WDR18: variants seen among roughly 807,000 people sequenced by gnomAD.
WDR18 encodes the protein WD repeat-containing protein 18.
In WDR18, 33 loss-of-function variants were observed where a neutral mutation model predicts 49.6. That is an observed-to-expected ratio of 0.67 (90% CI 0.50 to 0.89). The LOEUF (loss-of-function observed/expected upper bound fraction) is 0.89. Among genes scored for constraint, WDR18 ranks in the 40% least tolerant of loss-of-function variants. The pLI, the probability that WDR18 is intolerant of heterozygous loss-of-function variation, is 0.00. For missense variants in WDR18, 653 were observed against 593.6 expected (o/e 1.10, Z -1.04); for synonymous variants, 315 against 263.6 (o/e 1.19, Z -1.89).
intron 2 of WDR18, among the ~76,000 whole-genome samples, chr19:987,829 G>GTTTTGTTTTT (rs1340731704): frequency 1.1e-5 from 1 of 91,822 alleles, no homozygotes; most frequent in African/African-American, 5.3e-5. Flanking sequence ...GCCGCCTCCA[G>GTTTTGTTTTT]TTTTTTTTTT....
upstream of WDR18, among the ~76,000 whole-genome samples, chr19:983,127 A>G (rs2145498206): frequency 6.6e-6 from 1 of 152,280 alleles, no homozygotes; most frequent in Non-Finnish European, 1.5e-5. Flanking sequence ...AGGGGTTGGC[A>G]ACTAATTGCA....
At chr19:991,818 C>T in intron 7 of WDR18, 137 bp from the exon 8 acceptor site, 1 of 943,034 alleles carries the variant, frequency 1.1e-6, no homozygotes, top group Non-Finnish European at 1.4e-6. Flanking sequence ...TGGGGCGGGG[C>T]CTGGCTGGGG....
At position 994,483 on chromosome 19, in the gene WDR18, C is replaced by G. The variant is rs1029671301; in HGVS notation, c.*139C>G. 1 of 1,271,828 alleles carries G rather than the reference C, an allele frequency of 7.9e-7. No homozygotes were observed. Among genetic ancestry groups the G allele is most frequent in the African/African-American group, 1.5e-5 (1 of 66,674 alleles). The allele number at this position is 1,271,828 out of a possible 1,614,324, so 78.8% of individuals were successfully genotyped here. A position where few individuals can be genotyped will look rare whatever the true frequency, so the allele number is the denominator to read the frequency against. The stretch of plus-strand genomic sequence containing the variant: ...TCGTGTTCGGGTTTTTCCTCTGTGA[C>G]TGGGCCGTCTTGGTGTCTCGTGGCA... On this transcript the variant is annotated 3_prime_UTR_variant, in exon 10 of 10. Transcript: ENST00000585809.
rs1169177473 is a variant in WDR18, at chr19:994,196, C to T, written c.1168-17C>T. 4 of 1,589,168 alleles carry T rather than the reference C, an allele frequency of 2.5e-6. No homozygotes were observed. Among genetic ancestry groups the T allele is most frequent in the Non-Finnish European group, 2.6e-6 (3 of 1,170,954 alleles). Reference sequence around the variant, plus strand: ...CCCCAGGCCACTTCTGCCCTCTGACCCCGACTTCTCCCGCAGAGCGTGCTC... The same window carrying T: ...CCCCAGGCCACTTCTGCCCTCTGACTCCGACTTCTCCCGCAGAGCGTGCTC... On this transcript the variant is annotated splice_polypyrimidine_tract_variant and intron_variant, in intron 9 of 9. Coordinates refer to ENST00000585809, the MANE Select transcript of WDR18 (RefSeq NM_024100.4).
intron 9 of WDR18, 40 bp downstream of exon 9, chr19:994,128 G>A (rs1442380251): frequency 1.3e-6 from 2 of 1,549,194 alleles, no homozygotes; most frequent in East Asian, 4.8e-5. Flanking sequence ...TGAGGCTGGG[G>A]TCAGTCCTGG....
rs1403758477 is a variant in WDR18, at chr19:992,527, C to T, written c.1098+406C>T. Reference sequence around the variant, plus strand: ...CGTGAGGGCAGGGAGCGGGTGGGGCCCTGGTGGCTGCAGGTGGCTCCCACG... The same window carrying T: ...CGTGAGGGCAGGGAGCGGGTGGGGCTCTGGTGGCTGCAGGTGGCTCCCACG... On this transcript the variant is annotated intron_variant, in intron 8 of 9. Coordinates refer to ENST00000585809, the MANE Select transcript of WDR18 (RefSeq NM_024100.4). 3.9e-5 allele frequency among the ~76,000 whole-genome samples: 6 copies of T among 152,330 alleles called. No individual in the cohort carries two copies. In the East Asian group the frequency reaches 7.7e-4, roughly 20 times the overall value.
At chr19:991,879 G>T in intron 7 of WDR18, 76 bp from the exon 8 acceptor site, 2 of 1,385,802 alleles carry the variant, frequency 1.4e-6, no homozygotes, top group Non-Finnish European at 1.9e-6. Context: ...GACTGCCCTG[G>T]ATGGGGCGGA....
At chr19:984,091 G>C (rs2038446647), upstream of WDR18, among the ~76,000 whole-genome samples, 1 of 152,228 alleles carries the variant, frequency 6.6e-6, no homozygotes, top group Admixed American at 6.5e-5. Context: ...AGGTACCCCG[G>C]CTCTAGAGCT....
chr19:991,334 G>A lies in WDR18; in HGVS notation c.914G>A (p.Arg305Gln), dbSNP rs1447683010. The change falls in exon 7 of 10, where the codon CGG becomes CAG. Residue 305 changes from arginine (R) to glutamine (Q), a missense_variant. Coordinates refer to ENST00000585809, the MANE Select transcript of WDR18 (RefSeq NM_024100.4). ...LWDVQSKQCIRTVALKGPVTN... is the reference protein window; with the variant it reads ...LWDVQSKQCIQTVALKGPVTN... ...GACGTGCAGAGCAAGCAGTGCATCC[G>A]GACGGTGGCCCTCAAAGGTGGGCGC... 6.4e-7 allele frequency: 1 copy of A among 1,555,714 alleles called. No individual in the cohort carries two copies. Among genetic ancestry groups the A allele is most frequent in the Non-Finnish European group, 8.7e-7 (1 of 1,150,056 alleles).
upstream of WDR18, among the ~76,000 whole-genome samples, chr19:983,767 C>A (rs983678510): frequency 3.6e-4 from 55 of 151,258 alleles, no homozygotes; most frequent in Non-Finnish European, 6.8e-4. Context: ...GGGCCGGGCG[C>A]GGTGGCTCAC....
At chr19:985,122 C>G (rs914513520) in intron 1 of WDR18, among the ~76,000 whole-genome samples, 5 of 152,064 alleles carry the variant, frequency 3.3e-5, no homozygotes, top group Non-Finnish European at 5.9e-5. Context: ...GCTCTGTGCT[C>G]CAGCATTGCC....
chr19:994,160 C>A, intron 9 of WDR18, 53 bp from the exon 10 acceptor site: 3 of 1,554,508 alleles, frequency 1.9e-6, no homozygotes, highest in Non-Finnish European at 2.6e-6. Context: ...GAGTGGCCCC[C>A]CTCCAGCACA....
intron 2 of WDR18, among the ~76,000 whole-genome samples, chr19:987,116 G>A (rs2038483311): frequency 6.6e-6 from 1 of 152,238 alleles, no homozygotes; most frequent in Non-Finnish European, 1.5e-5. Flanking sequence ...GCTGAGACGG[G>A]CAGATCACTT....
At chr19:990,030 A>T in intron 3 of WDR18, 135 bp downstream of exon 3, 3 of 1,434,178 alleles carry the variant, frequency 2.1e-6, no homozygotes, top group Non-Finnish European at 2.8e-6. Flanking sequence ...TGATCATCCC[A>T]GGGGTCCTGG....
At chr19:992,349 A>G (rs2038570862) in intron 8 of WDR18, among the ~76,000 whole-genome samples, 1 of 152,192 alleles carries the variant, frequency 6.6e-6, no homozygotes, top group Non-Finnish European at 1.5e-5. Context: ...TCCCCCGGCC[A>G]GCAGGGCCGA....
At chr19:989,077 C>T (rs3815166) in intron 2 of WDR18, among the ~76,000 whole-genome samples, 2 of 33,254 alleles carry the variant, frequency 6.0e-5, no homozygotes, top group Non-Finnish European at 1.5e-4. Context: ...CTTCTCAGCC[C>T]TCGAACCCAC....
chr19:984,218 C>T (rs8112598), upstream of WDR18: 600,251 of 917,970 alleles, frequency 0.65, 200,845 homozygotes, highest in Non-Finnish European at 0.7. Flanking sequence ...ACAAGAAAGC[C>T]CCTCTCTCCG....
chr19:991,447 C>T (rs1368012639), intron 7 of WDR18, 96 bp downstream of exon 7: 20 of 110,958 alleles, frequency 1.8e-4, no homozygotes, highest in Non-Finnish European at 2.3e-4. Context: ...GACTGGTTTG[C>T]TGTGGGGCGG....
chr19:984,128 C>T (rs2038446871), upstream of WDR18: 1 of 495,222 alleles, frequency 2.0e-6, no homozygotes, highest in Non-Finnish European at 3.5e-6. Context: ...AGACCCTGGG[C>T]CTTGGAAGAA....
Sources: gnomAD v4.1 joint callset for allele counts (sites outside exome capture counted in the v4.1 genomes callset) on GRCh38, gnomAD v4.1.1 for gene constraint, MANE v1.5 for transcripts, NCBI Gene and HGNC (gene_info 2026-07-23, HGNC 2026-07-21) for gene names.